FAT3: variants seen among roughly 807,000 people sequenced by gnomAD.
FAT3 encodes the protein FAT atypical cadherin 3.
Under a neutral mutation model 310.2 loss-of-function variants are expected in FAT3, and 95 were observed. That is an observed-to-expected ratio of 0.31 (90% CI 0.26 to 0.36). The LOEUF (loss-of-function observed/expected upper bound fraction) is 0.36, where lower values mean the gene tolerates loss of function less well. Among genes scored for constraint, FAT3 ranks in the 10% least tolerant of loss-of-function variants. The probability of loss-of-function intolerance (pLI) is 1.00; values close to 1 mark genes in which losing one functional copy is unlikely to be tolerated. For missense variants in FAT3, 5,408 were observed against 5,715.6 expected (o/e 0.95, Z 1.74); for synonymous variants, 2,314 against 2,192.9 (o/e 1.06, Z -1.54).
intron 22 of FAT3, among the ~76,000 whole-genome samples, chr11:92,869,452 C>G (rs1245852731): frequency 6.6e-6 from 1 of 152,210 alleles, no homozygotes; most frequent in Non-Finnish European, 1.5e-5. Context: ...CCTGGGGAGC[C>G]AAGGGCATGA....
chr11:92,669,898 T>A (rs889986074), intron 3 of FAT3, among the ~76,000 whole-genome samples: 1 of 152,206 alleles, frequency 6.6e-6, no homozygotes, highest in Non-Finnish European at 1.5e-5. Context: ...GTTACTACTA[T>A]TATTCAAAAT....
chr11:92,312,392 C>G (rs1420172825), intron 1 of FAT3, among the ~76,000 whole-genome samples: 1 of 152,154 alleles, frequency 6.6e-6, no homozygotes, highest in South Asian at 2.1e-4. Context: ...AATTCCCTCC[C>G]TCTATTCTTC....
At chr11:92,716,471 T>A (rs1184027612) in intron 4 of FAT3, among the ~76,000 whole-genome samples, 1 of 152,090 alleles carries the variant, frequency 6.6e-6, no homozygotes, top group African/African-American at 2.4e-5. Flanking sequence ...AAAAAAGGCT[T>A]CCATAAGAGT....
intron 2 of FAT3, among the ~76,000 whole-genome samples, chr11:92,385,467 T>C (rs1591206653): frequency 6.6e-6 from 1 of 152,070 alleles, no homozygotes; most frequent in Non-Finnish European, 1.5e-5. Flanking sequence ...TCCTGGGTTC[T>C]AGCGATTCTC....
At chr11:92,230,453 C>T (rs566220018) in intron 1 of FAT3, among the ~76,000 whole-genome samples, 2 of 121,016 alleles carry the variant, frequency 1.7e-5, no homozygotes, top group South Asian at 5.3e-4. Context: ...ACCACCATGC[C>T]CTCTTAATTT....
At chr11:92,737,431 C>T (rs1945384677) in intron 4 of FAT3, among the ~76,000 whole-genome samples, 1 of 152,040 alleles carries the variant, frequency 6.6e-6, no homozygotes, top group African/African-American at 2.4e-5. Flanking sequence ...TCCCTATTTA[C>T]AGCAATTCAA....
intron 1 of FAT3, among the ~76,000 whole-genome samples, chr11:92,310,348 G>T (rs1947265235): frequency 6.6e-6 from 1 of 152,044 alleles, no homozygotes; most frequent in African/African-American, 2.4e-5. Flanking sequence ...CTGTAGTGTG[G>T]GAATACACAT....
chr11:92,340,810 C>T (rs1018850973), intron 1 of FAT3, among the ~76,000 whole-genome samples: 2 of 152,100 alleles, frequency 1.3e-5, no homozygotes, highest in African/African-American at 4.8e-5. Context: ...TTATATGCAC[C>T]AGTCAATAAT....
intron 20 of FAT3, among the ~76,000 whole-genome samples, chr11:92,858,535 A>T (rs1439361776): frequency 1.3e-5 from 2 of 152,198 alleles, no homozygotes; most frequent in Admixed American, 1.3e-4. Flanking sequence ...TAAAACATAA[A>T]GTTGAAGGCA....
At chr11:92,510,261 C>T (rs373622497) in intron 2 of FAT3, among the ~76,000 whole-genome samples, 321 of 152,276 alleles carry the variant, frequency 2.1e-3, no homozygotes, top group Non-Finnish European at 4.0e-3. Context: ...GACTTCATTT[C>T]ATATATTCTC....
At chr11:92,606,552 G>A (rs564868012) in intron 3 of FAT3, among the ~76,000 whole-genome samples, 1 of 152,316 alleles carries the variant, frequency 6.6e-6, no homozygotes, top group Non-Finnish European at 1.5e-5. Context: ...ACTTGCTGAA[G>A]ATGGTAATAG....
intron 3 of FAT3, among the ~76,000 whole-genome samples, chr11:92,630,998 A>C (rs949264374): frequency 6.6e-6 from 1 of 152,218 alleles, no homozygotes; most frequent in Non-Finnish European, 1.5e-5. Flanking sequence ...TTAAGGGCTA[A>C]CATGTTTAAA....
intron 7 of FAT3, 38 bp downstream of exon 7, chr11:92,774,218 A>T (rs1169431260): frequency 1.3e-6 from 2 of 1,566,580 alleles, no homozygotes; most frequent in Non-Finnish European, 1.7e-6. Context: ...GAATGCTGAA[A>T]GAGCTGCCAA....
chr11:92,673,191 T>C (rs890177389), intron 3 of FAT3, among the ~76,000 whole-genome samples: 32 of 152,186 alleles, frequency 2.1e-4, no homozygotes, highest in Non-Finnish European at 2.9e-5. Context: ...AAATTGAAAT[T>C]AGGTTATTTC....
intron 4 of FAT3, among the ~76,000 whole-genome samples, chr11:92,711,300 T>C (rs981570974): frequency 6.6e-6 from 1 of 152,180 alleles, no homozygotes; most frequent in African/African-American, 2.4e-5. Context: ...TTACATTCAA[T>C]ATGTTACTTT....
rs1358607536 is a variant in FAT3, at chr11:92,353,475, A to G, written c.1363A>G (p.Lys455Glu). 1.2e-6 allele frequency: 2 copies of G among 1,613,386 alleles called. No individual in the cohort carries two copies. Among genetic ancestry groups the G allele is most frequent in the Non-Finnish European group, 1.7e-6 (2 of 1,179,758 alleles). Residue 455 changes from lysine to glutamate, a missense_variant, in exon 2 of 28, where the codon AAA (lysine) becomes GAA (glutamate). Physicochemically the swap from Lys to Glu is moderately conservative, Grantham distance 56 (BLOSUM62 1). Transcript: ENST00000525166. ...GGTGACAAACAAGGAAGGAGATTTAAAAGCACAGGTCACCATCAGCATAGA... is the reference window on the plus strand; with the variant it reads ...GGTGACAAACAAGGAAGGAGATTTAGAAGCACAGGTCACCATCAGCATAGA... The part of the protein sequence containing the change: ...LEVTNKEGDL[K>E]AQVTISIEDA...
chr11:92,768,145 T>C (rs1202872975), intron 6 of FAT3, among the ~76,000 whole-genome samples: 2 of 152,198 alleles, frequency 1.3e-5, no homozygotes, highest in Non-Finnish European at 2.9e-5. Flanking sequence ...TGCTATACTT[T>C]TCCTAGAGAC....
intron 2 of FAT3, among the ~76,000 whole-genome samples, chr11:92,368,499 C>T (rs1265773120): frequency 1.3e-5 from 2 of 152,102 alleles, no homozygotes; most frequent in Non-Finnish European, 2.9e-5. Context: ...ACTTACAGTG[C>T]ATTTTTAACT....
intron 2 of FAT3, among the ~76,000 whole-genome samples, chr11:92,478,946 T>TC (rs2135183469): frequency 1.8e-5 from 1 of 54,740 alleles, no homozygotes; most frequent in African/African-American, 7.5e-5. Context: ...CTTTCTTTCT[T>TC]TCTTTCTTTT....
Sources: gnomAD v4.1 joint callset for allele counts (sites outside exome capture counted in the v4.1 genomes callset) on GRCh38, gnomAD v4.1.1 for gene constraint, MANE v1.5 for transcripts, NCBI Gene and HGNC (gene_info 2026-07-23, HGNC 2026-07-21) for gene names.